Variants in CNKSR2 observed in about 807,000 individuals in gnomAD.
The protein encoded by CNKSR2 is CNK homolog protein 2.
CNKSR2 carries 14 observed loss-of-function variants against 84.4 expected under a neutral mutation model. The observed-to-expected ratio is 0.17, with a 90% CI of 0.11 to 0.26. The LOEUF (loss-of-function observed/expected upper bound fraction) is 0.26. Among genes scored for constraint, CNKSR2 ranks in the 10% least tolerant of loss-of-function variants. The pLI, the probability that CNKSR2 is intolerant of heterozygous loss-of-function variation, is 1.00. For synonymous variants in CNKSR2, 275 were observed against 277.9 expected (o/e 0.99, Z 0.10); for missense variants, 485 against 771.2 (o/e 0.63, Z 4.40).
At position 21,414,693 on chromosome X, in the gene CNKSR2, A is replaced by G. The variant is rs759720752; in HGVS notation, c.65-11804A>G. Among the ~76,000 whole-genome samples, 5 of 111,735 alleles carry G rather than the reference A, an allele frequency of 4.5e-5. No individual in the cohort carries two copies. In the South Asian group the frequency reaches 1.5e-3, roughly 34 times the overall value. On this transcript the variant is annotated intron_variant, in intron 1 of 21. Transcript: ENST00000379510. The stretch of plus-strand genomic sequence containing the variant: ...TTTCTGGTAGTAGTTTCATAGTTTG[A>G]GGTCTTTAAGTCTTTAATCAATTTT...
intron 4 of CNKSR2, among the ~76,000 whole-genome samples, chrX:21,464,778 A>G (rs1175773325): frequency 8.9e-6 from 1 of 112,435 alleles, no homozygotes; most frequent in Non-Finnish European, 1.9e-5. Context: ...CCCCAAGGAA[A>G]GTCAAGAGAA....
intron 8 of CNKSR2, among the ~76,000 whole-genome samples, chrX:21,515,262 CTCT>C (rs1239114864): frequency 1.8e-5 from 2 of 111,158 alleles, no homozygotes; most frequent in African/African-American, 3.3e-5. Flanking sequence ...TCCAGATTAC[CTCT>C]TCTTCATAGC....
At chrX:21,539,835 A>C (rs1409470662) in intron 11 of CNKSR2, among the ~76,000 whole-genome samples, 1 of 111,701 alleles carries the variant, frequency 9.0e-6, no homozygotes, top group Non-Finnish European at 1.9e-5. Flanking sequence ...ACCTTAATGT[A>C]GATACTTGTA....
At chrX:21,487,246 GA>G (rs1316129626) in intron 5 of CNKSR2, among the ~76,000 whole-genome samples, 2 of 111,247 alleles carry the variant, frequency 1.8e-5, no homozygotes, top group Non-Finnish European at 3.8e-5. Flanking sequence ...TTAATATGAT[GA>G]ATTTAATTGG....
chrX:21,472,372 T>A (rs1164632159), intron 5 of CNKSR2, among the ~76,000 whole-genome samples: 1 of 111,978 alleles, frequency 8.9e-6, no homozygotes, highest in Non-Finnish European at 1.9e-5. Flanking sequence ...TGTTAACATT[T>A]TTTTCTTTAT....
chrX:21,441,479 A>C (rs1355934987), intron 4 of CNKSR2: 1 of 111,874 alleles, frequency 8.9e-6, no homozygotes, highest in Non-Finnish European at 1.9e-5. Context: ...CTATTTTCCA[A>C]ATGAATTTTT....
intron 15 of CNKSR2, chrX:21,591,437 A>G (rs940765534): frequency 9.6e-5 from 20 of 209,395 alleles, no homozygotes; most frequent in African/African-American, 4.1e-4. Flanking sequence ...AAAATTCTGT[A>G]TATCTAAATA....
intron 13 of CNKSR2, among the ~76,000 whole-genome samples, chrX:21,585,297 A>G (rs2092379248): frequency 9.5e-6 from 1 of 105,515 alleles, no homozygotes; most frequent in Non-Finnish European, 1.9e-5. Context: ...GTATAAATTC[A>G]TAATATATAT....
intron 12 of CNKSR2, among the ~76,000 whole-genome samples, chrX:21,562,463 GTCT>G (rs1359331608): frequency 2.7e-5 from 3 of 111,515 alleles, no homozygotes; most frequent in Non-Finnish European, 5.7e-5. Context: ...TGATTCATTA[GTCT>G]TCTTAATACT....
At chrX:21,387,758 C>T (rs1421411975) in intron 1 of CNKSR2, among the ~76,000 whole-genome samples, 1 of 110,875 alleles carries the variant, frequency 9.0e-6, no homozygotes, top group Non-Finnish European at 1.9e-5. Context: ...GATAATATAA[C>T]CTACCTAGTC....
At chrX:21,566,571 A>G (rs1435086462) in intron 13 of CNKSR2, among the ~76,000 whole-genome samples, 1 of 111,986 alleles carries the variant, frequency 8.9e-6, no homozygotes, top group Non-Finnish European at 1.9e-5. Flanking sequence ...GAAGAGGACT[A>G]TGAAGATTGA....
rs1401906799 is a variant in CNKSR2 at position 21,653,883 on chromosome X, C to T, written c.*1362C>T. 9.0e-6 allele frequency: 1 copy of T among 111,616 alleles called. No individual in the cohort carries two copies. Among genetic ancestry groups the T allele is most frequent in the Non-Finnish European group, 1.9e-5 (1 of 53,140 alleles). The allele number at this position is 111,616 out of a possible 1,213,427, so 9.2% of individuals were successfully genotyped here. ...TTACTATTCTATATCCTAAAATCTA[C>T]TTCTAATCAGCTTTATACTGTTGCC... On this transcript the variant is annotated 3_prime_UTR_variant, in exon 22 of 22. Transcript: ENST00000379510.
chrX:21,601,388 T>G (rs1169027956), intron 18 of CNKSR2, 39 bp downstream of exon 18: 1 of 840,821 alleles, frequency 1.2e-6, no homozygotes, highest in Non-Finnish European at 1.7e-6. Flanking sequence ...TGTTATACTT[T>G]TTTTCCTGCA....
Position 21,374,725 on chromosome X carries a change from G to A in CNKSR2, c.-173G>A. 2 of 512,275 alleles carry A rather than the reference G, an allele frequency of 3.9e-6. No homozygotes were observed. The highest frequency in any genetic ancestry group is 2.8e-5 in the Admixed American group (1 of 35,765). The allele number at this position is 512,275 out of a possible 1,213,427, so 42.2% of individuals were successfully genotyped here. Reference sequence around the variant, plus strand: ...CCTCCCTGTCGCCGTTCCTGCCGGCGGTTGGCTAAAAGACGTTACAGCCGC... The same window carrying A: ...CCTCCCTGTCGCCGTTCCTGCCGGCAGTTGGCTAAAAGACGTTACAGCCGC... On this transcript the variant is annotated 5_prime_UTR_variant, in exon 1 of 22. Coordinates refer to ENST00000379510, the MANE Select transcript of CNKSR2 (RefSeq NM_014927.5).
chrX:21,521,825 A>T (rs1310796853), intron 9 of CNKSR2, among the ~76,000 whole-genome samples: 1 of 110,876 alleles, frequency 9.0e-6, no homozygotes, highest in African/African-American at 3.3e-5. Flanking sequence ...AGGAAAAATT[A>T]TATGCTTATA....
intron 4 of CNKSR2, among the ~76,000 whole-genome samples, chrX:21,460,288 G>C (rs1406282621): frequency 1.8e-5 from 2 of 111,814 alleles, no homozygotes; most frequent in Non-Finnish European, 3.8e-5. Flanking sequence ...TAATCTCCTC[G>C]ATTTCCTTTC....
At chrX:21,464,011 C>G (rs1345591824) in intron 4 of CNKSR2, among the ~76,000 whole-genome samples, 1 of 111,840 alleles carries the variant, frequency 8.9e-6, no homozygotes, top group Admixed American at 9.5e-5. Flanking sequence ...CTGGGCCCAG[C>G]TTAGCACTAG....
chrX:21,586,078 A>G (rs750703870), intron 13 of CNKSR2, among the ~76,000 whole-genome samples: 1 of 111,237 alleles, frequency 9.0e-6, no homozygotes, highest in Admixed American at 9.5e-5. Context: ...GAAGGAACAA[A>G]AATGCTCAGT....
At position 21,419,834 on chromosome X, in the gene CNKSR2, G is replaced by A. The variant is rs549395018; in HGVS notation, c.65-6663G>A. Reference sequence around the variant, plus strand: ...TGGCCACCACCACCATGACTGTGCTGGGTCATACCTGAAGCCAACACAGCA... The same window carrying A: ...TGGCCACCACCACCATGACTGTGCTAGGTCATACCTGAAGCCAACACAGCA... On this transcript the variant is annotated intron_variant, in intron 1 of 21. Transcript: ENST00000379510. Among the ~76,000 whole-genome samples, 6 of 112,488 alleles carry A rather than the reference G, an allele frequency of 5.3e-5. No homozygotes were observed. The South Asian group carries it at 2.2e-3, about 41-fold the overall frequency.
Sources: gnomAD v4.1 joint callset for allele counts (sites outside exome capture counted in the v4.1 genomes callset) on GRCh38, gnomAD v4.1.1 for gene constraint, MANE v1.5 for transcripts, NCBI Gene and HGNC (gene_info 2026-07-23, HGNC 2026-07-21) for gene names.